WDR72: variants seen among roughly 807,000 people sequenced by gnomAD.
WDR72 encodes the protein WD repeat-containing protein 72.
In WDR72, 120 loss-of-function variants were observed where a neutral mutation model predicts 124.2. The observed-to-expected ratio is 0.97, with a 90% CI of 0.83 to 1.12. The LOEUF (loss-of-function observed/expected upper bound fraction) is 1.12. WDR72 is among the 50% of genes most tolerant of loss of function. The pLI is 0.00. For missense variants in WDR72, 1,387 were observed against 1,278.8 expected (o/e 1.08, Z -1.29); for synonymous variants, 452 against 441.7 (o/e 1.02, Z -0.29).
chr15:53,565,015 G>T (rs995252007), intron 18 of WDR72, among the ~76,000 whole-genome samples: 2 of 151,846 alleles, frequency 1.3e-5, no homozygotes, highest in African/African-American at 4.8e-5. Flanking sequence ...TAAGTGAAAG[G>T]AATTAGAGCT....
chr15:53,636,765 A>G (rs2014638383), intron 14 of WDR72, among the ~76,000 whole-genome samples: 1 of 152,184 alleles, frequency 6.6e-6, no homozygotes, highest in South Asian at 2.1e-4. Flanking sequence ...AATTCTGTGT[A>G]CTTGTCCACA....
chr15:53,695,885 G>A (rs147902336), intron 13 of WDR72, among the ~76,000 whole-genome samples: 211 of 152,216 alleles, frequency 1.4e-3, no homozygotes, highest in Non-Finnish European at 2.6e-3. Context: ...CGTGAAAAAC[G>A]CAAGAGGCCT....
chr15:53,662,105 T>C (rs7183930), intron 14 of WDR72, among the ~76,000 whole-genome samples: 9 of 152,308 alleles, frequency 5.9e-5, no homozygotes, highest in African/African-American at 2.2e-4. Flanking sequence ...GGTTATTTAT[T>C]CCCTACTTTG....
rs759766502 is a variant in WDR72, at chr15:53,706,027, C to T, written c.1002G>A (p.Glu334=). The stretch of plus-strand genomic sequence containing the variant: ...CAGAGAAAAGTACCTTGTAAAAAGG[C>T]TCTTTCCTTTCATTCATGTAGCCCA... The part of the protein sequence containing the change: ...FVMGYMNERK[E]PFYKVLFSGE... The change falls in exon 10 of 20, where the codon GAG becomes GAA. Residue 334 remains glutamate (E), a synonymous_variant. Transcript: ENST00000360509. 6 of 1,613,914 alleles carry T rather than the reference C, an allele frequency of 3.7e-6. No individual in the cohort carries two copies. The South Asian group carries it at 6.6e-5, about 18-fold the overall frequency.
At chr15:53,671,861 T>C (rs1005740470) in intron 13 of WDR72, among the ~76,000 whole-genome samples, 2 of 150,746 alleles carry the variant, frequency 1.3e-5, no homozygotes, top group Non-Finnish European at 2.9e-5. Context: ...GATGCTAGTC[T>C]AAAGATGAGA....
intron 18 of WDR72, among the ~76,000 whole-genome samples, chr15:53,573,027 C>T (rs1595767952): frequency 1.3e-5 from 2 of 152,150 alleles, no homozygotes; most frequent in South Asian, 4.1e-4. Context: ...GTAGAGGTAT[C>T]AGTATTTCAG....
In WDR72 at chr15:53,603,903, C is replaced by T. The variant is rs182934929; in HGVS notation, c.2952+5610G>A. ...AATCAACGTCATTAAAATGGCCATA[C>T]TGCCTAGCAATTCACAGTTTCATTG... On this transcript the variant is annotated intron_variant, in intron 17 of 19. Coordinates refer to ENST00000360509, the MANE Select transcript of WDR72 (RefSeq NM_182758.4). 8.1e-4 allele frequency among the ~76,000 whole-genome samples: 123 copies of T among 152,216 alleles called. 4 individuals are homozygous for T. Among genetic ancestry groups the T allele is most frequent in the Admixed American group, 7.9e-3 (121 of 15,282 alleles).
intron 18 of WDR72, among the ~76,000 whole-genome samples, chr15:53,532,899 G>A (rs1445768848): frequency 6.6e-6 from 1 of 151,968 alleles, no homozygotes; most frequent in African/African-American, 2.4e-5. Flanking sequence ...CCAAAAATAT[G>A]TATAAGTAGT....
intron 18 of WDR72, among the ~76,000 whole-genome samples, chr15:53,561,467 A>C (rs891835355): frequency 6.6e-6 from 1 of 151,842 alleles, no homozygotes; most frequent in Non-Finnish European, 1.5e-5. Context: ...ACATAAAATA[A>C]GTGCATACTT....
chr15:53,551,021 G>A (rs1044477944), intron 18 of WDR72, among the ~76,000 whole-genome samples: 2 of 152,218 alleles, frequency 1.3e-5, no homozygotes, highest in Non-Finnish European at 2.9e-5. Context: ...TGGAGGTCAA[G>A]GAGGATCTGT....
chr15:53,579,433 C>A (rs2011796471), intron 18 of WDR72, among the ~76,000 whole-genome samples: 1 of 152,060 alleles, frequency 6.6e-6, no homozygotes, highest in East Asian at 1.9e-4. Flanking sequence ...GTGGGACTTA[C>A]AGGAATGCAA....
At chr15:53,667,891 G>T (rs1595833027) in intron 13 of WDR72, among the ~76,000 whole-genome samples, 2 of 152,118 alleles carry the variant, frequency 1.3e-5, no homozygotes, top group Non-Finnish European at 2.9e-5. Flanking sequence ...TTTTTTTAGT[G>T]ATGAAAACAG....
intron 18 of WDR72, among the ~76,000 whole-genome samples, chr15:53,589,826 C>T (rs530180511): frequency 2.6e-5 from 4 of 152,046 alleles, no homozygotes; most frequent in South Asian, 4.1e-4. Context: ...TCTCAATCTC[C>T]GTGAAAGATA....
At chr15:53,722,008 T>C (rs369002494) in intron 3 of WDR72, among the ~76,000 whole-genome samples, 1 of 151,624 alleles carries the variant, frequency 6.6e-6, no homozygotes, top group East Asian at 1.9e-4. Context: ...CTCTCCTCTG[T>C]GAGATTTATT....
At chr15:53,746,774 A>G (rs1341868817) in intron 1 of WDR72, among the ~76,000 whole-genome samples, 1 of 152,156 alleles carries the variant, frequency 6.6e-6, no homozygotes, top group Non-Finnish European at 1.5e-5. Flanking sequence ...AGATAAAAAG[A>G]GCTTTGGTGT....
chr15:53,702,879 C>T (rs1262905739), intron 11 of WDR72, among the ~76,000 whole-genome samples: 1 of 150,240 alleles, frequency 6.7e-6, no homozygotes, highest in Non-Finnish European at 1.5e-5. Flanking sequence ...AAAATAAATT[C>T]AGAATATTAC....
chr15:53,715,549 T>C (rs1256788663), intron 4 of WDR72, among the ~76,000 whole-genome samples, 182 bp from the exon 5 acceptor site: 1 of 152,218 alleles, frequency 6.6e-6, no homozygotes, highest in East Asian at 1.9e-4. Context: ...TTTAGTCTCA[T>C]TTGCATCTCA....
At chr15:53,651,695 C>T (rs1177419363) in intron 14 of WDR72, among the ~76,000 whole-genome samples, 2 of 152,168 alleles carry the variant, frequency 1.3e-5, no homozygotes, top group Non-Finnish European at 2.9e-5. Flanking sequence ...CTCTATTGCT[C>T]AGGCTGGAGT....
At chr15:53,549,475 G>C (rs1423530649) in intron 18 of WDR72, among the ~76,000 whole-genome samples, 1 of 152,136 alleles carries the variant, frequency 6.6e-6, no homozygotes, top group African/African-American at 2.4e-5. Flanking sequence ...GAATAGATGC[G>C]TGTTTTCCCA....
Sources: gnomAD v4.1 joint callset for allele counts (sites outside exome capture counted in the v4.1 genomes callset) on GRCh38, gnomAD v4.1.1 for gene constraint, MANE v1.5 for transcripts, NCBI Gene and HGNC (gene_info 2026-07-23, HGNC 2026-07-21) for gene names.